Variants in CFAP20DC observed in about 807,000 individuals in gnomAD.
The protein encoded by CFAP20DC is CFAP20 domain containing, also known as protein CFAP20DC.
CFAP20DC carries 84 observed loss-of-function variants against 101.7 expected under a neutral mutation model. That is an observed-to-expected ratio of 0.83 (90% confidence interval 0.69 to 0.99). The LOEUF (loss-of-function observed/expected upper bound fraction) is 0.99. Among genes scored for constraint, CFAP20DC ranks in the 50% least tolerant of loss-of-function variants. The pLI, the probability that CFAP20DC is intolerant of heterozygous loss-of-function variation, is 0.00. For synonymous variants in CFAP20DC, 359 were observed against 351.2 expected (o/e 1.02, Z -0.25); for missense variants, 1,007 against 970.3 (o/e 1.04, Z -0.50).
At chr3:59,047,397 T>C (rs1699948536) in intron 1 of CFAP20DC, 143 bp from the exon 2 acceptor site, 1 of 594,304 alleles carries the variant, frequency 1.7e-6, no homozygotes. Flanking sequence ...TCCTACTTTA[T>C]ACCTTGATTG....
chr3:58,882,233 T>A lies in CFAP20DC; in HGVS notation c.715+2312A>T, dbSNP rs1054212200. On this transcript the variant is annotated intron_variant, in intron 7 of 16. Transcript: ENST00000482387. The surrounding 1 kb of genome is among the most constrained non-coding windows in gnomAD (Gnocchi z 4.2). ...GGAAATTGCAAAATATATATTAATATCCTCTTTTATGAGTTGGGTTCAAAT... is the reference window on the plus strand; with the variant it reads ...GGAAATTGCAAAATATATATTAATAACCTCTTTTATGAGTTGGGTTCAAAT... Among the ~76,000 whole-genome samples the A allele has an allele frequency of 3.3e-5, 5 of 152,156 alleles. No individual in the cohort carries two copies. The highest frequency in any genetic ancestry group is 5.9e-5 in the Non-Finnish European group (4 of 67,978).
chr3:58,850,478 C>A (rs955721026), intron 12 of CFAP20DC, among the ~76,000 whole-genome samples: 3 of 151,602 alleles, frequency 2.0e-5, no homozygotes, highest in African/African-American at 7.3e-5. Context: ...ATCCCAGCTA[C>A]TCGGGAGACT....
chr3:59,032,263 T>C (rs1487133702), intron 4 of CFAP20DC, among the ~76,000 whole-genome samples: 2 of 151,958 alleles, frequency 1.3e-5, no homozygotes, highest in Non-Finnish European at 2.9e-5. Flanking sequence ...GGCCCAAAAC[T>C]GGGCAGCTGT....
intron 4 of CFAP20DC, among the ~76,000 whole-genome samples, chr3:59,031,787 AAATG>A (rs1464222339): frequency 4.6e-5 from 7 of 152,268 alleles, no homozygotes; most frequent in Non-Finnish European, 7.3e-5. Flanking sequence ...AAATTAAAAG[AAATG>A]AATATTTCTC....
chr3:58,877,303 G>A (rs1395077281), intron 7 of CFAP20DC, among the ~76,000 whole-genome samples: 6 of 152,172 alleles, frequency 3.9e-5, no homozygotes, highest in South Asian at 2.1e-4. Context: ...ACAGTCTGAC[G>A]GGCAGACAGA....
intron 6 of CFAP20DC, among the ~76,000 whole-genome samples, chr3:58,890,627 A>T (rs2082128841): frequency 6.7e-6 from 1 of 149,880 alleles, no homozygotes; most frequent in Admixed American, 6.6e-5. Flanking sequence ...CTCACTTCCC[A>T]GATGGGGTGG....
intron 6 of CFAP20DC, among the ~76,000 whole-genome samples, chr3:58,908,553 A>G (rs1352479457): frequency 6.6e-6 from 1 of 152,140 alleles, no homozygotes; most frequent in Non-Finnish European, 1.5e-5. Context: ...CTGCTGGGGG[A>G]AATGAAATAT....
At chr3:58,879,567 T>C (rs1361462128) in intron 7 of CFAP20DC, among the ~76,000 whole-genome samples, 1 of 152,172 alleles carries the variant, frequency 6.6e-6, no homozygotes, top group African/African-American at 2.4e-5. Context: ...GTACTAAGCA[T>C]TGAGTTAGGT....
At position 58,869,756 on chromosome 3, in the gene CFAP20DC, A is replaced by G. The variant is rs989444628; in HGVS notation, c.853-266T>C. On this transcript the variant is annotated intron_variant, in intron 8 of 16. Coordinates refer to ENST00000482387, the MANE Select transcript of CFAP20DC (RefSeq NM_001394063.1). This position sits in a 1 kb window ranked among gnomAD's most constrained non-coding sequence, Gnocchi z 4.3. ...TTGCTACACTCCATCTTCAGTAGGT[A>G]GAAGCCGAATTAAAAATCACGCGTA... Among the ~76,000 whole-genome samples, 1 of 152,110 alleles carries G rather than the reference A, an allele frequency of 6.6e-6. No individual in the cohort carries two copies. Among genetic ancestry groups the G allele is most frequent in the African/African-American group, 2.4e-5 (1 of 41,358 alleles).
chr3:58,938,253 C>T (rs944485073), intron 4 of CFAP20DC, among the ~76,000 whole-genome samples: 25 of 152,326 alleles, frequency 1.6e-4, no homozygotes, highest in African/African-American at 5.3e-4. Context: ...TTCCTAAGCA[C>T]ATATCTTCCA....
At chr3:58,992,545 CTAA>C in intron 4 of CFAP20DC, 2 of 984,156 alleles carry the variant, frequency 2.0e-6, no homozygotes, top group Non-Finnish European at 2.4e-6. Context: ...CTAGTCTACA[CTAA>C]TCTCATTTGA....
At chr3:58,756,334 G>A (rs2068954751) in intron 15 of CFAP20DC, among the ~76,000 whole-genome samples, 1 of 152,050 alleles carries the variant, frequency 6.6e-6, no homozygotes, top group Non-Finnish European at 1.5e-5. Context: ...AAACAAACAA[G>A]AAACACTTAC....
chr3:58,760,764 A>C (rs2069488577), intron 15 of CFAP20DC, among the ~76,000 whole-genome samples: 1 of 152,190 alleles, frequency 6.6e-6, no homozygotes, highest in Admixed American at 6.5e-5. Context: ...AATTTTGTCA[A>C]AGGACTTTTC....
intron 4 of CFAP20DC, chr3:58,953,776 A>C (rs1324217284): frequency 6.6e-6 from 1 of 152,176 alleles, no homozygotes; most frequent in Non-Finnish European, 1.5e-5. Context: ...ACAGCTCTTC[A>C]CTTGTAATAC....
At chr3:58,815,569 G>A (rs1029589197) in intron 14 of CFAP20DC, among the ~76,000 whole-genome samples, 2 of 151,136 alleles carry the variant, frequency 1.3e-5, no homozygotes, top group East Asian at 1.9e-4. Context: ...GAGTGAACAG[G>A]CAACCTACAA....
rs2085271668 is a variant in CFAP20DC, at chr3:58,920,731, G to C, written c.394-6867C>G. Reference sequence around the variant, plus strand: ...GAGCCATATGTCCACGTTCATGAGGGATACTGATTTATAGCTCTTTTGAGA... The same window carrying C: ...GAGCCATATGTCCACGTTCATGAGGCATACTGATTTATAGCTCTTTTGAGA... On this transcript the variant is annotated intron_variant, in intron 5 of 16. Coordinates refer to ENST00000482387, the MANE Select transcript of CFAP20DC (RefSeq NM_001394063.1). Among the ~76,000 whole-genome samples the C allele has an allele frequency of 3.3e-5, 5 of 152,224 alleles. No homozygotes were observed. The South Asian group carries it at 1.0e-3, about 32-fold the overall frequency.
Position 58,721,307 on chromosome 3 carries a change from G to A in CFAP20DC, c.198-3679C>T, listed in dbSNP as rs2067469847. Among the ~76,000 whole-genome samples the A allele has an allele frequency of 6.6e-6, 1 of 152,120 alleles. No homozygotes were observed. Among genetic ancestry groups the A allele is most frequent in the Admixed American group, 6.5e-5 (1 of 15,280 alleles). On this transcript the variant is annotated intron_variant, in intron 3 of 3. Coordinates refer to the CFAP20DC transcript ENST00000486145. The surrounding 1 kb of genome is among the most constrained non-coding windows in gnomAD (Gnocchi z 5.2). Reference sequence around the variant, plus strand: ...GTGTACTTCTGGGTGCATGTGTTGGGGCAGGGGTTATCAATGGTCACCAAA... The same window carrying A: ...GTGTACTTCTGGGTGCATGTGTTGGAGCAGGGGTTATCAATGGTCACCAAA...
chr3:58,748,978 C>T (rs892034727), intron 16 of CFAP20DC, among the ~76,000 whole-genome samples: 2 of 152,126 alleles, frequency 1.3e-5, no homozygotes, highest in Non-Finnish European at 2.9e-5. Flanking sequence ...TGAGGTAATG[C>T]ACAGAAAAAT....
At chr3:58,780,739 A>G (rs1451179218) in intron 15 of CFAP20DC, among the ~76,000 whole-genome samples, 1 of 152,044 alleles carries the variant, frequency 6.6e-6, no homozygotes, top group Non-Finnish European at 1.5e-5. Flanking sequence ...AGATATAACT[A>G]TCTAAATATA....
Sources: allele counts gnomAD v4.1 joint callset (sites outside exome capture counted in the v4.1 genomes callset), GRCh38; gene constraint gnomAD v4.1.1; non-coding constraint Gnocchi (gnomAD v3.1); transcripts MANE v1.5; gene names NCBI Gene and HGNC (gene_info 2026-07-23, HGNC 2026-07-21).